RBM33: variants seen among roughly 807,000 people sequenced by gnomAD.
RBM33 encodes the protein RNA binding motif protein 33.
Under a neutral mutation model 132.6 loss-of-function variants are expected in RBM33, and 28 were observed. That is an observed-to-expected ratio of 0.21 (90% CI 0.16 to 0.29). The LOEUF (loss-of-function observed/expected upper bound fraction) is 0.29. Ranked by LOEUF, RBM33 falls within the 10% of genes least tolerant of loss-of-function variation. The probability of loss-of-function intolerance (pLI) is 1.00; values close to 1 mark genes in which losing one functional copy is unlikely to be tolerated. For missense variants in RBM33, 1,291 were observed against 1,518.5 expected, an observed-to-expected ratio of 0.85 and a Z score of 2.49; for synonymous variants, 634 against 593.0, an observed-to-expected ratio of 1.07 and a Z score of -1.01.
At chr7:155,773,352 G>A (rs1002394662) in intron 16 of RBM33, among the ~76,000 whole-genome samples, 8 of 152,048 alleles carry the variant, frequency 5.3e-5, no homozygotes, top group African/African-American at 1.9e-4. Context: ...CGGATCATGA[G>A]GTCAGAAGTT....
At chr7:155,666,223 G>A (rs1361426027) in intron 2 of RBM33, among the ~76,000 whole-genome samples, 2 of 152,170 alleles carry the variant, frequency 1.3e-5, no homozygotes, top group Non-Finnish European at 2.9e-5. Context: ...AGTGTTCTGT[G>A]AACCAGGGGA....
At chr7:155,686,766 G>A (rs1350785186) in intron 5 of RBM33, among the ~76,000 whole-genome samples, 1 of 152,120 alleles carries the variant, frequency 6.6e-6, no homozygotes, top group African/African-American at 2.4e-5. Flanking sequence ...TGCTGAGAAT[G>A]ATGGTTTCCA....
At chr7:155,766,686 G>T in intron 16 of RBM33, 31 bp downstream of exon 16, 1 of 1,580,650 alleles carries the variant, frequency 6.3e-7, no homozygotes. Context: ...TCTGTGCCAC[G>T]GGTAGTTGTG....
At chr7:155,735,829 G>A (rs1425011177) in intron 9 of RBM33, among the ~76,000 whole-genome samples, 1 of 152,040 alleles carries the variant, frequency 6.6e-6, no homozygotes, top group African/African-American at 2.4e-5. Context: ...TATATGATAT[G>A]TATTCTCACT....
At chr7:155,685,120 T>C in intron 5 of RBM33, 1 of 1,487,438 alleles carries the variant, frequency 6.7e-7, no homozygotes, top group Non-Finnish European at 9.1e-7. Flanking sequence ...AAAATGAGCA[T>C]CTTTTTAGCA....
chr7:155,755,042 G>C (rs960831430), intron 14 of RBM33, among the ~76,000 whole-genome samples: 5 of 152,084 alleles, frequency 3.3e-5, no homozygotes, highest in Non-Finnish European at 7.4e-5. Context: ...AGTCTTCAGA[G>C]AAAAAAATGA....
chr7:155,739,104 A>G (rs548630605), intron 11 of RBM33: 1 of 151,996 alleles, frequency 6.6e-6, no homozygotes, highest in South Asian at 2.1e-4. Flanking sequence ...TTAAAGGAAG[A>G]TAAAATGTTT....
At chr7:155,673,944 T>TTTTTGTTTTTG (rs1563138311) in intron 3 of RBM33, among the ~76,000 whole-genome samples, 4 of 86,470 alleles carry the variant, frequency 4.6e-5, no homozygotes, top group African/African-American at 1.4e-4. Context: ...GGCTTAGTTT[T>TTTTTGTTTTTG]TTTTTTTTTT....
Position 155,707,008 on chromosome 7 carries a change from C to G in RBM33, c.888C>G (p.Thr296=). ...TGGGGGACCAGAGGAGAGAGAGCAC[C>G]GAGAGGGGCAGGATGAAGGACCACA... ...RGVGDQRRES[T]ERGRMKDHRP... The change falls in exon 7 of 18, where the codon ACC becomes ACG. Residue 296 remains threonine (T), a synonymous_variant. Transcript: ENST00000401878. 1 of 1,583,940 alleles carries G rather than the reference C, an allele frequency of 6.3e-7. No individual in the cohort carries two copies. Among genetic ancestry groups the G allele is most frequent in the Non-Finnish European group, 8.6e-7 (1 of 1,165,040 alleles).
At chr7:155,652,330 A>C (rs1170962333) in intron 1 of RBM33, among the ~76,000 whole-genome samples, 1 of 152,212 alleles carries the variant, frequency 6.6e-6, no homozygotes, top group African/African-American at 2.4e-5. Flanking sequence ...CATAGACAAT[A>C]TATGCCTGAA....
In RBM33 at chr7:155,745,281, T is replaced by G. The variant is rs1451956160; in HGVS notation, c.2658T>G (p.Val886=). 2 of 1,612,884 alleles carry G rather than the reference T, an allele frequency of 1.2e-6. No homozygotes were observed. Among genetic ancestry groups the G allele is most frequent in the Non-Finnish European group, 1.7e-6 (2 of 1,179,422 alleles). The change falls in exon 14 of 18, where the codon GTT becomes GTG. Residue 886 remains valine, a synonymous_variant. Transcript: ENST00000401878. The surrounding 1 kb of genome is among the most constrained non-coding windows in gnomAD (Gnocchi z 4.1). ...VKNQDVSISN[V]QPKTSNFVPS... ...ACCAGGATGTCAGTATTTCAAACGT[T>G]CAGCCCAAAACATCCAATTTTGTAC... is the stretch of plus-strand genomic sequence containing the variant.
At chr7:155,705,601 G>A (rs1450526812) in intron 6 of RBM33, among the ~76,000 whole-genome samples, 2 of 152,210 alleles carry the variant, frequency 1.3e-5, no homozygotes, top group African/African-American at 2.4e-5. Flanking sequence ...GCGTACCCTT[G>A]GCTGGGGAAG....
chr7:155,769,510 G>A (rs1237121005), intron 16 of RBM33, among the ~76,000 whole-genome samples: 5 of 152,168 alleles, frequency 3.3e-5, no homozygotes, highest in Admixed American at 2.0e-4. Context: ...TGATTTGGGG[G>A]TAGGCATGGA....
At chr7:155,685,143 G>C in intron 5 of RBM33, 1 of 1,312,302 alleles carries the variant, frequency 7.6e-7, no homozygotes, top group Non-Finnish European at 1.0e-6. Context: ...AGCGAAAGTC[G>C]ATACGTATCT....
intron 5 of RBM33, among the ~76,000 whole-genome samples, chr7:155,696,932 A>T (rs931385207): frequency 3.9e-5 from 6 of 152,140 alleles, no homozygotes; most frequent in Non-Finnish European, 7.4e-5. Context: ...CGCTTTTTTC[A>T]TGATTAGCTT....
chr7:155,654,985 A>G (rs932662736), intron 1 of RBM33, among the ~76,000 whole-genome samples: 13 of 152,220 alleles, frequency 8.5e-5, no homozygotes, highest in Middle Eastern at 3.2e-3. Flanking sequence ...AGGTATTGCA[A>G]TAATATTTCA....
intron 5 of RBM33, chr7:155,684,864 G>A (rs1032525302): frequency 1.5e-5 from 23 of 1,487,402 alleles, no homozygotes; most frequent in South Asian, 3.9e-5. Context: ...TCATAAAGAC[G>A]AAAAGTACGT....
At chr7:155,675,225 C>A (rs997852637) in intron 3 of RBM33, among the ~76,000 whole-genome samples, 12 of 142,350 alleles carry the variant, frequency 8.4e-5, no homozygotes, top group African/African-American at 3.3e-4. Context: ...ACCTGGGAGG[C>A]GGAGGTTGCA....
In RBM33 at chr7:155,777,100, A is replaced by G. The variant is rs1802638953; in HGVS notation, c.*2059A>G. On this transcript the variant is annotated 3_prime_UTR_variant, in exon 18 of 18. Coordinates refer to ENST00000401878, the MANE Select transcript of RBM33 (RefSeq NM_053043.3). ...AATAGAGTGTGCTGTGTTTAAAACC[A>G]AAAATATGCATGTTGTCTCTGAAAA... The G allele has an allele frequency of 6.6e-6, 1 of 152,476 alleles. No homozygotes were observed. Among genetic ancestry groups the G allele is most frequent in the Non-Finnish European group, 1.5e-5 (1 of 68,018 alleles). 9.4% of individuals were successfully genotyped at this position (152,476 alleles called of 1,614,324 possible). A position where few individuals can be genotyped will look rare whatever the true frequency, so the allele number is the denominator to read the frequency against.
Sources: gnomAD v4.1 joint callset for allele counts (sites outside exome capture counted in the v4.1 genomes callset) on GRCh38, gnomAD v4.1.1 for gene constraint, Gnocchi (gnomAD v3.1) non-coding constraint, MANE v1.5 for transcripts, NCBI Gene and HGNC (gene_info 2026-07-23, HGNC 2026-07-21) for gene names.